Variants in WWC2 observed in about 807,000 individuals in gnomAD.
WWC2 encodes WW and C2 domain containing 2.
In WWC2, 101 loss-of-function variants were observed where a neutral mutation model predicts 138.5. That is an observed-to-expected ratio of 0.73 (90% CI 0.62 to 0.86). The LOEUF is 0.86. Among genes scored for constraint, WWC2 ranks in the 40% least tolerant of loss-of-function variants. WWC2 has a pLI of 0.00. For missense variants in WWC2, 1,420 were observed against 1,419.4 expected, an observed-to-expected ratio of 1.00 and a Z score of -0.01; for synonymous variants, 558 against 538.4, an observed-to-expected ratio of 1.04 and a Z score of -0.50.
At chr4:183,142,403 CTG>C (rs1733329246) in intron 1 of WWC2, among the ~76,000 whole-genome samples, 1 of 152,096 alleles carries the variant, frequency 6.6e-6, no homozygotes, top group East Asian at 1.9e-4. Flanking sequence ...ATCAAGATAA[CTG>C]TTAAAATTTC....
chr4:183,117,656 G>A lies in WWC2; in HGVS notation c.131+18034G>A, dbSNP rs114361856. Among the ~76,000 whole-genome samples the A allele has an allele frequency of 1.7e-3, 260 of 150,928 alleles. 2 individuals are homozygous for A. Among genetic ancestry groups the A allele is most frequent in the African/African-American group, 6.2e-3 (256 of 41,010 alleles). On this transcript the variant is annotated intron_variant, in intron 1 of 22. Coordinates refer to ENST00000403733, the MANE Select transcript of WWC2 (RefSeq NM_024949.6). ...TTTTTTGTTTAAAACACTGAGACAA[G>A]GTCTCATCTCCCTGTGTTGCCCAGG...
intron 1 of WWC2, among the ~76,000 whole-genome samples, chr4:183,113,783 T>A (rs1732326482): frequency 6.6e-6 from 1 of 151,390 alleles, no homozygotes. Flanking sequence ...TTTTTTTTTT[T>A]AGTGAGATAA....
At chr4:183,170,569 G>T (rs1187581454) in intron 1 of WWC2, among the ~76,000 whole-genome samples, 3 of 152,300 alleles carry the variant, frequency 2.0e-5, no homozygotes, top group South Asian at 4.2e-4. Context: ...GAAACCTGGG[G>T]AGCCTGGGAT....
At chr4:183,302,558 T>C (rs1738881401) in intron 21 of WWC2, among the ~76,000 whole-genome samples, 2 of 126,662 alleles carry the variant, frequency 1.6e-5, no homozygotes, top group South Asian at 5.5e-4. Flanking sequence ...AGAGGCAGCT[T>C]CTCAAAGCAC....
At chr4:183,141,183 A>AT (rs1204511495) in intron 1 of WWC2, among the ~76,000 whole-genome samples, 6 of 152,284 alleles carry the variant, frequency 3.9e-5, no homozygotes, top group African/African-American at 1.4e-4. Flanking sequence ...ACAGAAGCTG[A>AT]TTTTTTCACA....
At chr4:183,240,513 C>CT in intron 5 of WWC2, 2 of 353,676 alleles carry the variant, frequency 5.7e-6, no homozygotes, top group South Asian at 1.2e-4. Flanking sequence ...AGTGAAAAGC[C>CT]TTTGTCTTAC....
chr4:183,213,631 A>G (rs1232045992), intron 4 of WWC2, among the ~76,000 whole-genome samples: 1 of 152,198 alleles, frequency 6.6e-6, no homozygotes, highest in Non-Finnish European at 1.5e-5. Context: ...ACTGATAATC[A>G]TTGGGCTTGT....
At chr4:183,122,092 A>AT (rs568591885) in intron 1 of WWC2, among the ~76,000 whole-genome samples, 11 of 151,786 alleles carry the variant, frequency 7.2e-5, no homozygotes, top group African/African-American at 2.2e-4. Flanking sequence ...GCCAAGAAGC[A>AT]TTTTTTTTCT....
intron 2 of WWC2, among the ~76,000 whole-genome samples, chr4:183,203,995 C>T (rs1735376056): frequency 6.6e-6 from 1 of 152,042 alleles, no homozygotes; most frequent in Non-Finnish European, 1.5e-5. Context: ...CTCTCAGAAG[C>T]AAACCCTAAG....
chr4:183,303,148 G>A (rs989258058), intron 21 of WWC2, among the ~76,000 whole-genome samples: 1 of 151,068 alleles, frequency 6.6e-6, no homozygotes, highest in Non-Finnish European at 1.5e-5. Context: ...ATTGATTTAA[G>A]ACGAAACCAC....
In WWC2 at chr4:183,296,978, TA is replaced by T. The variant is rs1301540255; in HGVS notation, c.3384+7345del. Among the ~76,000 whole-genome samples, 22 of 146,864 alleles carry T rather than the reference TA, an allele frequency of 1.5e-4. 1 individual carries two copies. The highest frequency in any genetic ancestry group is 1.3e-3 in the Admixed American group (20 of 14,824). On this transcript the variant is annotated intron_variant, in intron 21 of 22. Coordinates refer to ENST00000403733, the MANE Select transcript of WWC2 (RefSeq NM_024949.6). ...AAAAAAAAAAAAAAAAATTATTTCT[TA>T]ATAGAGGATTTCTTTTTGAGACAGG...
chr4:183,125,921 C>T lies in WWC2; in HGVS notation c.131+26299C>T, dbSNP rs144765672. ...GAAGGATTGGCCTTGTTCATGTCCA[C>T]GGCTGGACTAGGGTGAGGCAAAGCA... is the stretch of plus-strand genomic sequence containing the variant. On this transcript the variant is annotated intron_variant, in intron 1 of 22. Transcript: ENST00000403733. Among the ~76,000 whole-genome samples the T allele has an allele frequency of 8.4e-4, 128 of 152,308 alleles. 1 individual carries two copies. Among genetic ancestry groups the T allele is most frequent in the African/African-American group, 1.1e-3 (46 of 41,580 alleles).
chr4:183,269,175 C>T lies in WWC2; in HGVS notation c.2400+12C>T, dbSNP rs1460454887. The T allele has an allele frequency of 6.3e-7, 1 of 1,585,796 alleles. No homozygotes were observed. The highest frequency in any genetic ancestry group is 8.5e-7 in the Non-Finnish European group (1 of 1,170,070). On this transcript the variant is annotated intron_variant, in intron 15 of 22. Coordinates refer to ENST00000403733, the MANE Select transcript of WWC2 (RefSeq NM_024949.6). The stretch of plus-strand genomic sequence containing the variant: ...GGGAAGAATGCCTGGTAGGATTCTT[C>T]ATAATTCCCATTACCAAATAGCACT...
chr4:183,312,572 G>GAAGTCC (rs1242097318), intron 22 of WWC2, 104 bp downstream of exon 22: 7 of 1,510,870 alleles, frequency 4.6e-6, no homozygotes, highest in Non-Finnish European at 6.3e-6. Context: ...ATCCGAGACA[G>GAAGTCC]AAGTCCTCTG....
At position 183,227,566 on chromosome 4, in the gene WWC2, TATAAG is replaced by T. The variant is rs1736108689; in HGVS notation, c.523-12616_523-12612del. Among the ~76,000 whole-genome samples, 4 of 152,092 alleles carry T rather than the reference TATAAG, an allele frequency of 2.6e-5. No homozygotes were observed. In the South Asian group the frequency reaches 8.3e-4, roughly 32 times the overall value. On this transcript the variant is annotated intron_variant, in intron 4 of 22. Transcript: ENST00000403733. ...AAGAAATAAAAAAAGAGATTGGAAA[TATAAG>T]TAAGGAAGATACCATGAAAATTATC...
chr4:183,118,586 A>C (rs1222887430), intron 1 of WWC2, among the ~76,000 whole-genome samples: 2 of 152,226 alleles, frequency 1.3e-5, no homozygotes, highest in Non-Finnish European at 2.9e-5. Context: ...ACTTTTTTAG[A>C]AAATGTGGAC....
chr4:183,309,108 T>C (rs1739127420), intron 21 of WWC2, among the ~76,000 whole-genome samples: 1 of 152,154 alleles, frequency 6.6e-6, no homozygotes, highest in Non-Finnish European at 1.5e-5. Context: ...CAGACCTAAA[T>C]GTAGAATGTA....
intron 15 of WWC2, 56 bp downstream of exon 15, chr4:183,269,219 G>GATAT (rs1196343746): frequency 6.5e-7 from 1 of 1,543,316 alleles, no homozygotes; most frequent in Non-Finnish European, 8.8e-7. Context: ...GTGGTCTGAG[G>GATAT]ATATACTTTG....
intron 8 of WWC2, among the ~76,000 whole-genome samples, chr4:183,252,088 T>C (rs1421941488): frequency 6.6e-6 from 1 of 152,176 alleles, no homozygotes; most frequent in Non-Finnish European, 1.5e-5. Flanking sequence ...TAACATGCAA[T>C]TTTATTTTTA....
Sources: allele counts gnomAD v4.1 joint callset (sites outside exome capture counted in the v4.1 genomes callset), GRCh38; gene constraint gnomAD v4.1.1; transcripts MANE v1.5; gene names NCBI Gene and HGNC (gene_info 2026-07-23, HGNC 2026-07-21).